ZNF385B: variants seen among roughly 807,000 people sequenced by gnomAD.
The protein encoded by ZNF385B is zinc finger protein 385B.
ZNF385B carries 23 observed loss-of-function variants against 39.2 expected under a neutral mutation model. The ratio of observed to expected loss-of-function variants is 0.59; its 90% confidence interval spans 0.42 to 0.83. The LOEUF (loss-of-function observed/expected upper bound fraction) is 0.83. ZNF385B is among the 40% of genes least tolerant of loss of function. ZNF385B has a pLI of 0.00. For synonymous variants in ZNF385B, 205 were observed against 222.6 expected (o/e 0.92, Z 0.70); for missense variants, 552 against 598.9 (o/e 0.92, Z 0.82).
chr2:179,774,078 T>C (rs925698855), intron 1 of ZNF385B, among the ~76,000 whole-genome samples: 2 of 151,562 alleles, frequency 1.3e-5, no homozygotes, highest in Non-Finnish European at 1.5e-5. Flanking sequence ...GTGTGTGGTA[T>C]GTGCGGGGGT....
chr2:179,619,592 T>C (rs560859612), intron 3 of ZNF385B, among the ~76,000 whole-genome samples: 26 of 152,308 alleles, frequency 1.7e-4, no homozygotes, highest in African/African-American at 6.3e-4. Flanking sequence ...CTACAGCTTA[T>C]TGATTTATAG....
chr2:179,641,094 T>C (rs1692227391), intron 3 of ZNF385B, among the ~76,000 whole-genome samples: 1 of 152,166 alleles, frequency 6.6e-6, no homozygotes, highest in Admixed American at 6.6e-5. Context: ...TAAAAAAGAT[T>C]CTTTTTATTT....
intron 1 of ZNF385B, among the ~76,000 whole-genome samples, chr2:179,841,988 T>G (rs1396205324): frequency 6.6e-6 from 1 of 152,218 alleles, no homozygotes; most frequent in East Asian, 1.9e-4. Context: ...CAGAGCATAC[T>G]GGAAGCCAGG....
At chr2:179,617,726 A>G (rs1441086233) in intron 3 of ZNF385B, among the ~76,000 whole-genome samples, 1 of 152,152 alleles carries the variant, frequency 6.6e-6, no homozygotes, top group Non-Finnish European at 1.5e-5. Context: ...TAAAAAATGT[A>G]GATTCAGGGG....
intron 3 of ZNF385B, among the ~76,000 whole-genome samples, chr2:179,691,644 A>G (rs1698363093): frequency 6.6e-6 from 1 of 152,192 alleles, no homozygotes; most frequent in Non-Finnish European, 1.5e-5. Context: ...CTGAAGTTTC[A>G]ATGAGTCTAG....
intron 1 of ZNF385B, among the ~76,000 whole-genome samples, chr2:179,806,911 G>A (rs938605803): frequency 6.6e-6 from 1 of 152,174 alleles, no homozygotes; most frequent in Admixed American, 6.5e-5. Context: ...CAGAACGACA[G>A]AACATTTAAA....
At chr2:179,667,174 G>A (rs1313473083) in intron 3 of ZNF385B, among the ~76,000 whole-genome samples, 1 of 152,094 alleles carries the variant, frequency 6.6e-6, no homozygotes, top group Admixed American at 6.6e-5. Context: ...ATATTGATAT[G>A]CTATTTCTGT....
chr2:179,798,330 C>T (rs542965448), intron 1 of ZNF385B, among the ~76,000 whole-genome samples: 11 of 152,022 alleles, frequency 7.2e-5, no homozygotes, highest in East Asian at 3.9e-4. Context: ...GAGTGGGACA[C>T]GCCTTTTAAA....
chr2:179,775,559 T>C (rs891358594), intron 1 of ZNF385B, among the ~76,000 whole-genome samples: 4 of 152,218 alleles, frequency 2.6e-5, no homozygotes, highest in Non-Finnish European at 4.4e-5. Context: ...TAGATTTTAA[T>C]TGGGGTGCTC....
chr2:179,822,808 T>C (rs945859657), intron 1 of ZNF385B, among the ~76,000 whole-genome samples: 1 of 152,154 alleles, frequency 6.6e-6, no homozygotes, highest in Non-Finnish European at 1.5e-5. Context: ...AATAAACACA[T>C]AATAATAGGA....
At chr2:179,845,675 A>G (rs1350396071) in intron 1 of ZNF385B, among the ~76,000 whole-genome samples, 7 of 152,216 alleles carry the variant, frequency 4.6e-5, no homozygotes, top group Non-Finnish European at 1.0e-4. Context: ...ATGTGTACAC[A>G]TGACCCTTTC....
Position 179,549,628 on chromosome 2 carries a change from C to A in ZNF385B, c.299-4659G>T, listed in dbSNP as rs553158406. Among the ~76,000 whole-genome samples the A allele has an allele frequency of 6.7e-5, 10 of 149,696 alleles. 1 individual carries two copies. In the South Asian group the frequency reaches 2.1e-3, roughly 32 times the overall value. ...TCATTAAAATTTCTATTTCAATGAT[C>A]CTTTTTGGTAATGAATTTTCTTAAT... On this transcript the variant is annotated intron_variant, in intron 3 of 9. Coordinates refer to ENST00000410066, the MANE Select transcript of ZNF385B (RefSeq NM_152520.6).
chr2:179,768,586 T>C (rs1245790936), intron 3 of ZNF385B, among the ~76,000 whole-genome samples: 1 of 152,172 alleles, frequency 6.6e-6, no homozygotes, highest in Non-Finnish European at 1.5e-5. Context: ...GGGGCCTCAT[T>C]ACAGAGCAAA....
intron 3 of ZNF385B, among the ~76,000 whole-genome samples, chr2:179,562,931 G>A (rs1324087364): frequency 1.3e-5 from 2 of 152,086 alleles, no homozygotes; most frequent in Admixed American, 6.6e-5. Context: ...AGAGAAATGT[G>A]TTCTCACAAC....
intron 3 of ZNF385B, among the ~76,000 whole-genome samples, chr2:179,686,540 T>G (rs1697939144): frequency 1.3e-5 from 2 of 152,188 alleles, no homozygotes. Context: ...TGAGTCTCAC[T>G]TCCTTCACCT....
At position 179,560,454 on chromosome 2, in the gene ZNF385B, T is replaced by C. The variant is rs2061255350; in HGVS notation, c.299-15485A>G. On this transcript the variant is annotated intron_variant, in intron 3 of 9. Transcript: ENST00000410066. ...TCAATGTATTTAACTTGAGAAAGCA[T>C]GTTTCCAGCTAAAAGAAATGCAAAA... Among the ~76,000 whole-genome samples the C allele has an allele frequency of 2.6e-5, 4 of 152,190 alleles. No homozygotes were observed. In the South Asian group the frequency reaches 8.3e-4, roughly 32 times the overall value.
chr2:179,770,174 T>C (rs749117179), intron 2 of ZNF385B, among the ~76,000 whole-genome samples: 2 of 152,204 alleles, frequency 1.3e-5, no homozygotes, highest in African/African-American at 4.8e-5. Flanking sequence ...GATCTGGTTA[T>C]ATGCTCACAT....
chr2:179,651,732 T>C (rs148116787), intron 3 of ZNF385B, among the ~76,000 whole-genome samples: 1 of 152,246 alleles, frequency 6.6e-6, no homozygotes, highest in Admixed American at 6.5e-5. Context: ...AGAATCTGAA[T>C]GTTGCCTTGC....
At chr2:179,694,308 C>T (rs912245707) in intron 3 of ZNF385B, among the ~76,000 whole-genome samples, 1 of 150,686 alleles carries the variant, frequency 6.6e-6, no homozygotes, top group African/African-American at 2.4e-5. Context: ...AGAGAGATGA[C>T]ACATCTAGAA....
Sources: gnomAD v4.1 joint callset for allele counts (sites outside exome capture counted in the v4.1 genomes callset) on GRCh38, gnomAD v4.1.1 for gene constraint, MANE v1.5 for transcripts, NCBI Gene and HGNC (gene_info 2026-07-23, HGNC 2026-07-21) for gene names.